HEPHL1: variants seen among roughly 807,000 people sequenced by gnomAD.
HEPHL1 encodes ferroxidase HEPHL1.
A neutral mutation model predicts 122.0 loss-of-function variants in HEPHL1; 123 were observed. The observed-to-expected ratio is 1.01, with a 90% CI of 0.87 to 1.17. The LOEUF (loss-of-function observed/expected upper bound fraction) is 1.17, where lower values mean the gene tolerates loss of function less well. HEPHL1 is among the 50% of genes most tolerant of loss of function. HEPHL1 has a pLI of 0.00. For synonymous variants in HEPHL1, 527 were observed against 508.9 expected, an observed-to-expected ratio of 1.04 and a Z score of -0.48; for missense variants, 1,452 against 1,430.5, an observed-to-expected ratio of 1.01 and a Z score of -0.24.
intron 7 of HEPHL1, 68 bp from the exon 8 acceptor site, chr11:94,073,240 C>G (rs985608725): frequency 3.1e-6 from 5 of 1,605,022 alleles, no homozygotes; most frequent in Middle Eastern, 1.7e-4. Context: ...CACAGAATGA[C>G]TCTTCTGCTT....
chr11:94,033,246 C>A (rs1000615260), intron 1 of HEPHL1, among the ~76,000 whole-genome samples: 1 of 152,154 alleles, frequency 6.6e-6, no homozygotes, highest in Admixed American at 6.5e-5. Flanking sequence ...GAATTGAATT[C>A]TTTCTTCTGA....
At chr11:94,073,903 T>A (rs1180342240) in intron 8 of HEPHL1, among the ~76,000 whole-genome samples, 1 of 152,082 alleles carries the variant, frequency 6.6e-6, no homozygotes, top group Non-Finnish European at 1.5e-5. Flanking sequence ...AATATATTTA[T>A]AAAAAACAGT....
chr11:94,037,868 G>A (rs1945740855), intron 1 of HEPHL1, among the ~76,000 whole-genome samples: 1 of 152,054 alleles, frequency 6.6e-6, no homozygotes, highest in African/African-American at 2.4e-5. Flanking sequence ...AAGCTGGATG[G>A]AGAATGATTT....
chr11:94,049,271 C>T (rs1422416889), intron 2 of HEPHL1, among the ~76,000 whole-genome samples: 2 of 151,862 alleles, frequency 1.3e-5, no homozygotes, highest in African/African-American at 4.8e-5. Flanking sequence ...AATGAGATCT[C>T]ATCTTACCCC....
At chr11:94,050,975 T>C (rs934747252) in intron 2 of HEPHL1, among the ~76,000 whole-genome samples, 7 of 152,124 alleles carry the variant, frequency 4.6e-5, no homozygotes, top group Admixed American at 3.9e-4. Flanking sequence ...TCAATCCACA[T>C]TGTTGCAAAT....
intron 5 of HEPHL1, among the ~76,000 whole-genome samples, chr11:94,069,758 C>T (rs992910772): frequency 6.6e-6 from 1 of 152,020 alleles, no homozygotes; most frequent in African/African-American, 2.4e-5. Context: ...GCACTGATGA[C>T]TATTATTTAT....
rs891423625 is a variant in HEPHL1, at chr11:94,045,594, A to G, written c.171-79A>G. ...CCAAATGAGAGGTCATACATGCAAT[A>G]CTTTATAAACTCCTAGTGGTAAGCT... On this transcript the variant is annotated intron_variant, in intron 1 of 19. Coordinates refer to ENST00000315765, the MANE Select transcript of HEPHL1 (RefSeq NM_001098672.2). The G allele has an allele frequency of 7.1e-6, 9 of 1,260,480 alleles. No individual in the cohort carries two copies. In the African/African-American group the frequency reaches 1.1e-4, roughly 15 times the overall value. The allele number at this position is 1,260,480 out of a possible 1,614,324, so 78.1% of individuals were successfully genotyped here.
At chr11:94,109,764 T>C (rs188806216) in intron 17 of HEPHL1, among the ~76,000 whole-genome samples, 15 of 152,346 alleles carry the variant, frequency 9.8e-5, no homozygotes, top group Non-Finnish European at 1.8e-4. Context: ...ATGGTATCTA[T>C]GTTCATGAGG....
chr11:94,031,380 A>G (rs1945674201), intron 1 of HEPHL1, among the ~76,000 whole-genome samples: 1 of 151,038 alleles, frequency 6.6e-6, no homozygotes, highest in Non-Finnish European at 1.5e-5. Flanking sequence ...AAATGGGATA[A>G]TACTTTACAT....
rs774639648 is a variant in HEPHL1, at chr11:94,104,585, G to A, written c.2740G>A (p.Glu914Lys). ...TACATGCCGAAAAGGAGTCTTGAAT[G>A]AAAAGGGAAGAAGAAGTGACGTTGA... ...LITCRKGVLN[E>K]KGRRSDVDYE... The change falls in exon 16 of 20, where the codon GAA (glutamate) becomes AAA (lysine). Residue 914 changes from glutamate to lysine, a missense_variant. By Grantham distance (56) the Glu-to-Lys change is moderately conservative. Coordinates refer to ENST00000315765, the MANE Select transcript of HEPHL1 (RefSeq NM_001098672.2). The A allele has an allele frequency of 2.5e-6, 4 of 1,613,938 alleles. No homozygotes were observed. In the Admixed American group the frequency reaches 6.7e-5, roughly 27 times the overall value.
intron 1 of HEPHL1, among the ~76,000 whole-genome samples, chr11:94,044,408 A>C (rs1253923353): frequency 6.6e-6 from 1 of 152,044 alleles, no homozygotes; most frequent in Non-Finnish European, 1.5e-5. Context: ...CTTGCACACC[A>C]CTGCCATAGA....
At chr11:94,092,567 T>G (rs2134445529) in intron 12 of HEPHL1, among the ~76,000 whole-genome samples, 1 of 152,322 alleles carries the variant, frequency 6.6e-6, no homozygotes, top group African/African-American at 2.4e-5. Flanking sequence ...GTGCTTTATG[T>G]TGGTGCTTTC....
Position 94,085,279 on chromosome 11 carries a change from C to T in HEPHL1, c.1868-698C>T, listed in dbSNP as rs1024016669. ...TGATGTCAAAGATAAAAACAATTTG[C>T]CACTCTGGAAGCACAGAGGGTCTTC... On this transcript the variant is annotated intron_variant, in intron 10 of 19. Coordinates refer to ENST00000315765, the MANE Select transcript of HEPHL1 (RefSeq NM_001098672.2). Among the ~76,000 whole-genome samples the T allele has an allele frequency of 5.3e-5, 8 of 152,254 alleles. No individual in the cohort carries two copies. The East Asian group carries it at 1.5e-3, about 29-fold the overall frequency.
chr11:94,060,096 A>T (rs1232057003), intron 2 of HEPHL1, among the ~76,000 whole-genome samples: 2 of 244 alleles, frequency 8.2e-3, no homozygotes, highest in African/African-American at 0.01. Flanking sequence ...ATTTTATTAT[A>T]TATATATATA....
At position 94,080,562 on chromosome 11, in the gene HEPHL1, A is replaced by G. The variant is rs191688772; in HGVS notation, c.1717-1856A>G. On this transcript the variant is annotated intron_variant, in intron 9 of 19. Coordinates refer to ENST00000315765, the MANE Select transcript of HEPHL1 (RefSeq NM_001098672.2). The stretch of plus-strand genomic sequence containing the variant: ...CAATCTATCCATCTGATGAAGGTCT[A>G]ATATCCAGAATCTACAAGGAACTTA... Among the ~76,000 whole-genome samples the G allele has an allele frequency of 3.3e-5, 5 of 152,352 alleles. No individual in the cohort carries two copies. In the East Asian group the frequency reaches 9.6e-4, roughly 29 times the overall value.
At chr11:94,029,287 TGAGCAGGAGGCTCCTCCTG>T (rs1807829843) in intron 1 of HEPHL1, among the ~76,000 whole-genome samples, 1 of 152,192 alleles carries the variant, frequency 6.6e-6, no homozygotes, top group African/African-American at 2.4e-5. Context: ...CTTCACTGTC[TGAGCAGGAGGCTCCTCCTG>T]CAGCAGAGGA....
intron 12 of HEPHL1, among the ~76,000 whole-genome samples, chr11:94,091,226 T>A (rs1946262000): frequency 6.6e-6 from 1 of 152,182 alleles, no homozygotes; most frequent in East Asian, 1.9e-4. Context: ...CAGCATCTCT[T>A]GCACCATTCT....
At chr11:94,093,969 C>CAGAT (rs1382570113) in intron 13 of HEPHL1, among the ~76,000 whole-genome samples, 626 of 50,596 alleles carry the variant, frequency 0.012, 14 homozygotes, top group Non-Finnish European at 0.016. Context: ...AATCCTCCAG[C>CAGAT]AGATATATAT....
intron 6 of HEPHL1, 47 bp downstream of exon 6, chr11:94,070,589 T>C: frequency 6.8e-7 from 1 of 1,470,392 alleles, no homozygotes; most frequent in East Asian, 2.3e-5. Context: ...CAGAGAAGCA[T>C]GTGTTAGGCT....
Sources: allele counts gnomAD v4.1 joint callset (sites outside exome capture counted in the v4.1 genomes callset), GRCh38; gene constraint gnomAD v4.1.1; transcripts MANE v1.5; gene names NCBI Gene and HGNC (gene_info 2026-07-23, HGNC 2026-07-21).